GABBR2: variants seen among roughly 807,000 people sequenced by gnomAD.
GABBR2 encodes G-protein coupled receptor 51.
GABBR2 carries 23 observed loss-of-function variants against 105.6 expected under a neutral mutation model. The observed-to-expected ratio is 0.22, with a 90% CI of 0.16 to 0.31. The LOEUF is 0.31. Ranked by LOEUF, GABBR2 falls within the 10% of genes least tolerant of loss-of-function variation. The pLI is 1.00. For missense variants in GABBR2, 734 were observed against 1,245.5 expected, an observed-to-expected ratio of 0.59 and a Z score of 6.18; for synonymous variants, 478 against 499.7, an observed-to-expected ratio of 0.96 and a Z score of 0.58.
At position 98,290,418 on chromosome 9, in the gene GABBR2, T is replaced by C. The variant is rs1251624046; in HGVS notation, c.*166A>G. 1 of 409,120 alleles carries C rather than the reference T, an allele frequency of 2.4e-6. No homozygotes were observed. Among genetic ancestry groups the C allele is most frequent in the East Asian group, 3.6e-5 (1 of 27,914 alleles). 25.3% of individuals were successfully genotyped at this position (409,120 alleles called of 1,614,324 possible). On this transcript the variant is annotated 3_prime_UTR_variant, in exon 19 of 19. Coordinates refer to ENST00000259455, the MANE Select transcript of GABBR2 (RefSeq NM_005458.8). ...AAGGCTCGAGGTCAGGTGCCAAGTC[T>C]CCCCCTGCCCCGTCCTGTCCACCTG... is the stretch of plus-strand genomic sequence containing the variant.
In GABBR2 at chr9:98,560,999, G is replaced by A. The variant is rs551329447; in HGVS notation, c.459+16936C>T. 5.3e-5 allele frequency among the ~76,000 whole-genome samples: 8 copies of A among 151,840 alleles called. No homozygotes were observed. The South Asian group carries it at 8.3e-4, about 16-fold the overall frequency. Reference sequence around the variant, plus strand: ...ACAATAATTCAGTATCATCTAATGCGTAGTCCATATTCAAATTTCTTCAAT... The same window carrying A: ...ACAATAATTCAGTATCATCTAATGCATAGTCCATATTCAAATTTCTTCAAT... On this transcript the variant is annotated intron_variant, in intron 2 of 18. Transcript: ENST00000259455.
intron 1 of GABBR2, among the ~76,000 whole-genome samples, chr9:98,603,968 GCT>G (rs899856516): frequency 1.3e-5 from 2 of 152,224 alleles, no homozygotes; most frequent in Admixed American, 6.5e-5. Context: ...TCAGATGTGT[GCT>G]CTCTCATTGT....
intron 1 of GABBR2, among the ~76,000 whole-genome samples, chr9:98,691,868 C>T (rs1486288321): frequency 6.6e-6 from 1 of 152,220 alleles, no homozygotes; most frequent in Non-Finnish European, 1.5e-5. Context: ...ATTCAATTCA[C>T]CACCTCCTCT....
chr9:98,569,912 C>G (rs919207735), intron 2 of GABBR2, among the ~76,000 whole-genome samples: 4 of 152,220 alleles, frequency 2.6e-5, no homozygotes, highest in Admixed American at 6.5e-5. Flanking sequence ...CACAAAATTT[C>G]TGTTCCTATG....
chr9:98,566,408 GC>G (rs1445144123), intron 2 of GABBR2, among the ~76,000 whole-genome samples: 1 of 152,150 alleles, frequency 6.6e-6, no homozygotes, highest in Non-Finnish European at 1.5e-5. Flanking sequence ...GGGTGCAGTG[GC>G]CCACACCTGT....
At chr9:98,408,746 C>T (rs1172795418) in intron 7 of GABBR2, among the ~76,000 whole-genome samples, 1 of 152,150 alleles carries the variant, frequency 6.6e-6, no homozygotes, top group Non-Finnish European at 1.5e-5. Context: ...GTGATGAATG[C>T]TATGAGAAGA....
intron 5 of GABBR2, among the ~76,000 whole-genome samples, chr9:98,476,580 C>T (rs1159524591): frequency 6.6e-6 from 1 of 152,196 alleles, no homozygotes; most frequent in Non-Finnish European, 1.5e-5. Flanking sequence ...ACACTATGTT[C>T]AGAAACATTT....
At chr9:98,316,794 C>T (rs74901530) in intron 13 of GABBR2, among the ~76,000 whole-genome samples, 2,339 of 152,224 alleles carry the variant, frequency 0.015, 57 homozygotes, top group African/African-American at 0.052. Context: ...GTTGAAGTCA[C>T]AAAAATCCAA....
intron 17 of GABBR2, among the ~76,000 whole-genome samples, chr9:98,296,024 A>C (rs1830375873): frequency 6.6e-6 from 1 of 152,228 alleles, no homozygotes; most frequent in Non-Finnish European, 1.5e-5. Flanking sequence ...GTGAATCAGC[A>C]GAATCGACTG....
At chr9:98,577,228 A>ATGGTTAGGC (rs769775744) in intron 2 of GABBR2, among the ~76,000 whole-genome samples, 15 of 151,196 alleles carry the variant, frequency 9.9e-5, no homozygotes, top group Admixed American at 1.3e-4. Context: ...GGATGGATGG[A>ATGGTTAGGC]GCAAAAAAGT....
At chr9:98,410,505 C>CTTTTT (rs5899341) in intron 7 of GABBR2, among the ~76,000 whole-genome samples, 6,310 of 126,156 alleles carry the variant, frequency 0.05, 145 homozygotes, top group Middle Eastern at 0.094. Flanking sequence ...GAGGGAAAAG[C>CTTTTT]TTTTTTTTTT....
intron 3 of GABBR2, among the ~76,000 whole-genome samples, chr9:98,525,003 T>C (rs1564103688): frequency 6.6e-6 from 1 of 152,100 alleles, no homozygotes; most frequent in Non-Finnish European, 1.5e-5. Context: ...ACACCAAATA[T>C]AAAAGTTAAC....
At chr9:98,413,517 T>G (rs950023285) in intron 7 of GABBR2, among the ~76,000 whole-genome samples, 1 of 152,218 alleles carries the variant, frequency 6.6e-6, no homozygotes, top group African/African-American at 2.4e-5. Context: ...ATTTAAAATA[T>G]TTTCTTACAC....
rs1831138006 is a variant in GABBR2 at position 98,337,574 on chromosome 9, A to G, written c.1893+25141T>C. On this transcript the variant is annotated intron_variant, in intron 13 of 18. Transcript: ENST00000259455. ...AAAAATCAGAAGACTCACACTTCCA[A>G]TTTTAATTGCCACAAAGCTACAATA... is the stretch of plus-strand genomic sequence containing the variant. 4.6e-5 allele frequency among the ~76,000 whole-genome samples: 7 copies of G among 152,232 alleles called. No individual in the cohort carries two copies. In the South Asian group the frequency reaches 1.4e-3, roughly 31 times the overall value.
chr9:98,340,784 C>T (rs1437064987), intron 13 of GABBR2, among the ~76,000 whole-genome samples: 1 of 152,166 alleles, frequency 6.6e-6, no homozygotes, highest in Non-Finnish European at 1.5e-5. Flanking sequence ...GAGGGAAGGT[C>T]TTCATGGGGA....
At chr9:98,355,646 T>C (rs1190892698) in intron 13 of GABBR2, among the ~76,000 whole-genome samples, 1 of 152,222 alleles carries the variant, frequency 6.6e-6, no homozygotes, top group African/African-American at 2.4e-5. Context: ...ATGTCAATAC[T>C]TCCCAACTTG....
chr9:98,453,496 C>G (rs764335683), intron 7 of GABBR2, among the ~76,000 whole-genome samples: 4 of 152,214 alleles, frequency 2.6e-5, no homozygotes, highest in Admixed American at 6.5e-5. Context: ...ATTTACAGCA[C>G]CATGTCATAC....
At chr9:98,515,279 T>G (rs1827735152) in intron 3 of GABBR2, among the ~76,000 whole-genome samples, 1 of 152,198 alleles carries the variant, frequency 6.6e-6, no homozygotes, top group Non-Finnish European at 1.5e-5. Context: ...GGGAGCTGCC[T>G]AGGTGGTACC....
At chr9:98,433,761 T>C (rs1399209744) in intron 7 of GABBR2, among the ~76,000 whole-genome samples, 1 of 152,136 alleles carries the variant, frequency 6.6e-6, no homozygotes, top group Non-Finnish European at 1.5e-5. Context: ...GACAAAGAGA[T>C]GTTTAATGTA....
Sources: allele counts gnomAD v4.1 joint callset (sites outside exome capture counted in the v4.1 genomes callset), GRCh38; gene constraint gnomAD v4.1.1; transcripts MANE v1.5; gene names NCBI Gene and HGNC (gene_info 2026-07-23, HGNC 2026-07-21).